Variants in NRXN1 observed in about 807,000 individuals in gnomAD.
The protein encoded by NRXN1 is neurexin 1, also known as neurexin-1.
A neutral mutation model predicts 150.9 loss-of-function variants in NRXN1; 39 were observed. That is an observed-to-expected ratio of 0.26 (90% CI 0.20 to 0.34). The LOEUF (loss-of-function observed/expected upper bound fraction) is 0.34. NRXN1 is among the 10% of genes least tolerant of loss of function. NRXN1 has a pLI of 1.00. For missense variants in NRXN1, 1,815 were observed against 1,949.9 expected, an observed-to-expected ratio of 0.93 and a Z score of 1.30; for synonymous variants, 924 against 757.0, an observed-to-expected ratio of 1.22 and a Z score of -3.62.
intron 17 of NRXN1, among the ~76,000 whole-genome samples, chr2:50,400,083 T>C (rs1165893496): frequency 6.6e-6 from 1 of 152,048 alleles, no homozygotes; most frequent in Non-Finnish European, 1.5e-5. Context: ...AAGAATAGTC[T>C]GAACAAACTG....
intron 19 of NRXN1, among the ~76,000 whole-genome samples, chr2:50,075,258 G>T (rs1696911513): frequency 6.6e-6 from 1 of 152,086 alleles, no homozygotes; most frequent in African/African-American, 2.4e-5. Flanking sequence ...AGTCACTGAA[G>T]AATTGAGAGG....
At chr2:50,554,270 T>A (rs1194571827) in intron 8 of NRXN1, 2 of 152,180 alleles carry the variant, frequency 1.3e-5, no homozygotes, top group Admixed American at 6.5e-5. Context: ...CTGTATCTGA[T>A]TAGCGCTATG....
chr2:50,228,327 T>C (rs895997328), intron 18 of NRXN1, among the ~76,000 whole-genome samples: 1 of 152,044 alleles, frequency 6.6e-6, no homozygotes, highest in African/African-American at 2.4e-5. Flanking sequence ...GGCTCATATA[T>C]TTCTCTTGGA....
intron 18 of NRXN1, among the ~76,000 whole-genome samples, chr2:50,127,414 C>CT (rs1443275906): frequency 7.3e-5 from 11 of 151,702 alleles, no homozygotes; most frequent in South Asian, 6.2e-4. Flanking sequence ...TATAGGTTTT[C>CT]TTTTTTTTGT....
intron 5 of NRXN1, among the ~76,000 whole-genome samples, chr2:50,859,659 A>T (rs1365695034): frequency 2.6e-5 from 4 of 151,774 alleles, no homozygotes; most frequent in Non-Finnish European, 5.9e-5. Flanking sequence ...GACAGATGTC[A>T]ACAAAAGGGT....
intron 21 of NRXN1, among the ~76,000 whole-genome samples, chr2:49,990,079 T>G (rs530583949): frequency 1.3e-5 from 2 of 150,862 alleles, no homozygotes; most frequent in South Asian, 4.2e-4. Flanking sequence ...CTTTCAATCA[T>G]GCAACCAGCC....
chr2:50,883,537 G>A (rs989394760), intron 5 of NRXN1, among the ~76,000 whole-genome samples: 4 of 151,108 alleles, frequency 2.6e-5, no homozygotes, highest in African/African-American at 9.7e-5. Flanking sequence ...TGTAAAATTT[G>A]AATTGCTCAG....
chr2:50,376,952 C>CT (rs1318748344), intron 17 of NRXN1, among the ~76,000 whole-genome samples: 47 of 119,992 alleles, frequency 3.9e-4, no homozygotes, highest in African/African-American at 1.6e-3. Flanking sequence ...CTTTCTTTTT[C>CT]TTTTCTTTTC....
chr2:50,878,756 A>G (rs1404731964), intron 5 of NRXN1, among the ~76,000 whole-genome samples: 1 of 151,936 alleles, frequency 6.6e-6, no homozygotes, highest in Non-Finnish European at 1.5e-5. Context: ...ATTTGGGGAA[A>G]AAGCTTATAA....
At chr2:50,486,658 G>C (rs1387933325) in intron 15 of NRXN1, among the ~76,000 whole-genome samples, 1 of 152,098 alleles carries the variant, frequency 6.6e-6, no homozygotes, top group Admixed American at 6.5e-5. Context: ...GTAGGGGAGT[G>C]TGAGTGGGGC....
chr2:50,758,534 C>T (rs1701421556), intron 5 of NRXN1, among the ~76,000 whole-genome samples: 1 of 151,818 alleles, frequency 6.6e-6, no homozygotes, highest in South Asian at 2.1e-4. Flanking sequence ...ACTTAAACTC[C>T]TGGGCTCAAG....
At chr2:50,386,446 T>C (rs948782082) in intron 17 of NRXN1, among the ~76,000 whole-genome samples, 6 of 152,040 alleles carry the variant, frequency 3.9e-5, no homozygotes, top group Admixed American at 2.0e-4. Context: ...TTTCAACTAA[T>C]GAGTCTTACA....
rs996419844 is a variant in NRXN1 at position 50,075,375 on chromosome 2, T to C, written c.3718+15948A>G. Among the ~76,000 whole-genome samples, 5 of 152,320 alleles carry C rather than the reference T, an allele frequency of 3.3e-5. No individual in the cohort carries two copies. The South Asian group carries it at 8.3e-4, about 25-fold the overall frequency. On this transcript the variant is annotated intron_variant, in intron 19 of 22. Coordinates refer to ENST00000401669, the MANE Select transcript of NRXN1 (RefSeq NM_001330078.2). ...GGGAGGAATATTTATTGTTTATAGC[T>C]GATAACAGGAAAAGAGGCCCAATTG...
intron 17 of NRXN1, among the ~76,000 whole-genome samples, chr2:50,338,382 T>G (rs886263756): frequency 6.6e-6 from 1 of 152,012 alleles, no homozygotes; most frequent in Non-Finnish European, 1.5e-5. Flanking sequence ...TTTTCAGAAA[T>G]GAGTATGAAA....
At chr2:50,115,428 C>G (rs1463660979) in intron 18 of NRXN1, among the ~76,000 whole-genome samples, 2 of 151,496 alleles carry the variant, frequency 1.3e-5, no homozygotes, top group Non-Finnish European at 2.9e-5. Flanking sequence ...TTGGAATGAT[C>G]GAAACAATGT....
chr2:50,038,158 A>T (rs1335885120), intron 21 of NRXN1, among the ~76,000 whole-genome samples: 2 of 152,238 alleles, frequency 1.3e-5, no homozygotes, highest in African/African-American at 2.4e-5. Flanking sequence ...AGCAGAAAAT[A>T]TACATAAAAA....
intron 18 of NRXN1, among the ~76,000 whole-genome samples, chr2:50,148,383 C>T (rs1271301517): frequency 3.3e-5 from 5 of 151,454 alleles, no homozygotes; most frequent in Non-Finnish European, 5.9e-5. Flanking sequence ...GCTTTTTACT[C>T]AAGCAGAGCA....
chr2:50,139,766 A>G (rs1015121095), intron 18 of NRXN1, among the ~76,000 whole-genome samples: 1 of 152,216 alleles, frequency 6.6e-6, no homozygotes, highest in African/African-American at 2.4e-5. Context: ...AGACTATTCT[A>G]TCTATACTAA....
In NRXN1 at chr2:51,028,092, C is replaced by G. The variant is rs202205785; in HGVS notation, c.182G>C (p.Arg61Pro). The G allele has an allele frequency of 6.3e-7, 1 of 1,583,676 alleles. No homozygotes were observed. Among genetic ancestry groups the G allele is most frequent in the Non-Finnish European group, 8.6e-7 (1 of 1,168,090 alleles). ...GTAGAGCACGAGGCCGCGGGCGCTG[C>G]GAGTCTTGAGCTGGAAGCTCATCTC... is the stretch of plus-strand genomic sequence containing the variant. ...ESEMSFQLKT[R>P]SARGLVLYFD... The change falls in exon 2 of 23, where the codon CGC (arginine) becomes CCC (proline). Residue 61 changes from arginine (R) to proline (P), a missense_variant. This residue lies in a region of NRXN1 where 554 missense variants were observed against 478.8 expected (regional missense o/e 1.16). Transcript: ENST00000401669.
Sources: gnomAD v4.1 joint callset for allele counts (sites outside exome capture counted in the v4.1 genomes callset) on GRCh38, gnomAD v4.1.1 for gene constraint, gnomAD v4.1.1 regional missense constraint, MANE v1.5 for transcripts, NCBI Gene and HGNC (gene_info 2026-07-23, HGNC 2026-07-21) for gene names.